Variants in CLN6 observed in about 807,000 individuals in gnomAD.
The protein encoded by CLN6 is ceroid-lipofuscinosis neuronal protein 6.
Under a neutral mutation model 33.3 loss-of-function variants are expected in CLN6, and 22 were observed. That is an observed-to-expected ratio of 0.66 (90% confidence interval 0.47 to 0.94). The LOEUF (loss-of-function observed/expected upper bound fraction) is 0.94, where lower values mean the gene tolerates loss of function less well. Ranked by LOEUF, CLN6 falls within the 40% of genes least tolerant of loss-of-function variation. The probability of loss-of-function intolerance (pLI) is 0.00; values close to 1 mark genes in which losing one functional copy is unlikely to be tolerated. For missense variants in CLN6, 387 were observed against 417.1 expected (o/e 0.93, Z 0.63); for synonymous variants, 201 against 174.6 (o/e 1.15, Z -1.19).
Position 68,208,293 on chromosome 15 carries a change from G to C in CLN6, c.783C>G (p.Phe261Leu). The C allele has an allele frequency of 6.2e-7, 1 of 1,614,172 alleles. No homozygotes were observed. The highest frequency in any genetic ancestry group is 8.5e-7 in the Non-Finnish European group (1 of 1,180,044). Residue 261 changes from phenylalanine (F) to leucine (L), a missense_variant, in exon 7 of 7, where the codon TTC (phenylalanine) becomes TTG (leucine). Physicochemically the swap from Phe to Leu is conservative, Grantham distance 22. Transcript: ENST00000249806. This position sits in a 1 kb window ranked among gnomAD's most constrained non-coding sequence, Gnocchi z 5.8. ...GGGTCAGTGCGAAGGAGGAGAAGAGGAAGAGGCCGTTGCTGTCCAGGAAGA... is the reference window on the plus strand; with the variant it reads ...GGGTCAGTGCGAAGGAGGAGAAGAGCAAGAGGCCGTTGCTGTCCAGGAAGA... ...KRLFLDSNGL[F>L]LFSSFALTLL...
In CLN6 at chr15:68,229,550, G is replaced by A. The variant is rs539756492; in HGVS notation, c.35C>T (p.Ala12Val). 39 of 1,467,930 alleles carry A rather than the reference G, an allele frequency of 2.7e-5. 1 individual carries two copies. The South Asian group carries it at 4.7e-4, about 18-fold the overall frequency. The allele number at this position is 1,467,930 out of a possible 1,614,324, so 90.9% of individuals were successfully genotyped here. A position where few individuals can be genotyped will look rare whatever the true frequency, so the allele number is the denominator to read the frequency against. Residue 12 changes from alanine (A) to valine (V), a missense_variant, in exon 1 of 7, where the codon GCG becomes GTG. Coordinates refer to ENST00000249806, the MANE Select transcript of CLN6 (RefSeq NM_017882.3). ...EATRRRQHLG[A>V]TGGPGAQLGA... ...CAGCTGCGCGCCTGGGCCGCCCGTC[G>A]CTCCCAGGTGCTGCCGCCTCCGCGT...
rs772310940 is a variant in CLN6 at position 68,247,563 on chromosome 15, G to A, written c.179+9127C>T. Among the ~76,000 whole-genome samples the A allele has an allele frequency of 6.6e-6, 1 of 152,124 alleles. No individual in the cohort carries two copies. The highest frequency in any genetic ancestry group is 1.5e-5 in the Non-Finnish European group (1 of 68,028). On this transcript the variant is annotated intron_variant, in intron 1 of 6. Coordinates refer to the CLN6 transcript ENST00000538696. This position sits in a 1 kb window ranked among gnomAD's most constrained non-coding sequence, Gnocchi z 4.2. ...AAATGGAAAGCTATTCCATGTTCATGGACTGGAATAGTTAGTTGTTAAAGT... is the reference window on the plus strand; with the variant it reads ...AAATGGAAAGCTATTCCATGTTCATAGACTGGAATAGTTAGTTGTTAAAGT...
rs1049247219 is a variant in CLN6, at chr15:68,214,192, A to G, written c.297+98T>C. 11 of 909,270 alleles carry G rather than the reference A, an allele frequency of 1.2e-5. No individual in the cohort carries two copies. The African/African-American group carries it at 1.6e-4, about 14-fold the overall frequency. The allele number at this position is 909,270 out of a possible 1,614,324, so 56.3% of individuals were successfully genotyped here. A position where few individuals can be genotyped will look rare whatever the true frequency, so the allele number is the denominator to read the frequency against. On this transcript the variant is annotated intron_variant, in intron 3 of 6. Transcript: ENST00000249806. ...CCTTCACCCCCCAGCAGCAGGCAGG[A>G]GCGTGCTTGAGTCAGGACACAGGGC...
At position 68,208,404 on chromosome 15, in the gene CLN6, C is replaced by G. The variant is rs368443679; in HGVS notation, c.672G>C (p.Leu224=). 1 of 1,612,614 alleles carries G rather than the reference C, an allele frequency of 6.2e-7. No individual in the cohort carries two copies. Among genetic ancestry groups the G allele is most frequent in the Non-Finnish European group, 8.5e-7 (1 of 1,179,996 alleles). The change falls in exon 7 of 7, where the codon CTG becomes CTC. Residue 224 remains leucine, a synonymous_variant. Coordinates refer to ENST00000249806, the MANE Select transcript of CLN6 (RefSeq NM_017882.3). This position sits in a 1 kb window ranked among gnomAD's most constrained non-coding sequence, Gnocchi z 5.8. Reference sequence around the variant, plus strand: ...GGATGAAGATCTGGCCCTCGGTGACCAGGTACCTGGAAAGGCCAGGGGTGA... The same window carrying G: ...GGATGAAGATCTGGCCCTCGGTGACGAGGTACCTGGAAAGGCCAGGGGTGA... The part of the protein sequence containing the change: ...VAPSGLYYWY[L]VTEGQIFILF...
At chr15:68,255,367 T>C (rs1892423004) in intron 1 of CLN6, among the ~76,000 whole-genome samples, 1 of 150,266 alleles carries the variant, frequency 6.7e-6, no homozygotes, top group South Asian at 2.1e-4. Context: ...GTGATGCCAC[T>C]GAGATGGAAC....
chr15:68,229,488 C>T lies in CLN6; in HGVS notation c.83+14G>A. ...AGGCGCCTAGCCCGCCCTCTCACCC[C>T]GGCGCGCGCCCACCTGGCCTGCAGG... On this transcript the variant is annotated intron_variant, in intron 1 of 6. Transcript: ENST00000249806. 3 of 1,460,866 alleles carry T rather than the reference C, an allele frequency of 2.1e-6. No individual in the cohort carries two copies. Among genetic ancestry groups the T allele is most frequent in the East Asian group, 3.0e-5 (1 of 32,994 alleles). The allele number at this position is 1,460,866 out of a possible 1,614,324, so 90.5% of individuals were successfully genotyped here. A position where few individuals can be genotyped will look rare whatever the true frequency, so the allele number is the denominator to read the frequency against.
chr15:68,208,203 C>A lies in CLN6; in HGVS notation c.873G>T (p.Pro291=), dbSNP rs567275786. 6.2e-7 allele frequency: 1 copy of A among 1,613,454 alleles called. No individual in the cohort carries two copies. Among genetic ancestry groups the A allele is most frequent in the African/African-American group, 1.3e-5 (1 of 74,756 alleles). ...WNDPVLRKKY[P]GVIYVPEPWA... is the part of the protein sequence containing the mutation. Reference sequence around the variant, plus strand: ...AGGGCTCAGGGACGTAGATGACACCCGGGTACTTCTTCCTGAGAACAGGGT... The same window carrying A: ...AGGGCTCAGGGACGTAGATGACACCAGGGTACTTCTTCCTGAGAACAGGGT... Residue 291 remains proline, a synonymous_variant, in exon 7 of 7, where the codon CCG becomes CCT. Transcript: ENST00000249806. The surrounding 1 kb of genome is among the most constrained non-coding windows in gnomAD (Gnocchi z 5.8).
chr15:68,252,061 C>T (rs12900974), intron 1 of CLN6, among the ~76,000 whole-genome samples: 26,700 of 150,386 alleles, frequency 0.18, 2,610 homozygotes, highest in South Asian at 0.22. Context: ...GCAACCTCCG[C>T]CTTCCGGGTT....
At chr15:68,214,079 T>C in intron 3 of CLN6, 1 of 531,056 alleles carries the variant, frequency 1.9e-6, no homozygotes, top group Non-Finnish European at 3.4e-6. Flanking sequence ...CAAAAGCCCT[T>C]TCTTGGGGCA....
chr15:68,214,986 T>TCCTTCCCCA (rs55798476), intron 2 of CLN6: 84,853 of 155,934 alleles, frequency 0.54, 23,756 homozygotes, highest in African/African-American at 0.6. Flanking sequence ...CTGCAACTCT[T>TCCTTCCCCA]CCTTCCCAGA....
upstream of CLN6, among the ~76,000 whole-genome samples, chr15:68,234,171 T>C (rs550799215): frequency 1.3e-5 from 2 of 152,330 alleles, no homozygotes; most frequent in East Asian, 3.9e-4. This position sits in a 1 kb window ranked among gnomAD's most constrained non-coding sequence, Gnocchi z 4.1. Context: ...CAACACTGTT[T>C]CCATGTCATC....
At chr15:68,229,451 GC>G (rs1358240929) in intron 1 of CLN6, 50 bp downstream of exon 1, 3 of 1,355,584 alleles carry the variant, frequency 2.2e-6, no homozygotes, top group Non-Finnish European at 2.9e-6. Flanking sequence ...GGGTCCCGAG[GC>G]CCCAGCGCAC....
chr15:68,230,966 G>A (rs2093267623), upstream of CLN6, among the ~76,000 whole-genome samples: 2 of 152,184 alleles, frequency 1.3e-5, no homozygotes, highest in South Asian at 4.1e-4. The surrounding 1 kb of genome is among the most constrained non-coding windows in gnomAD (Gnocchi z 4.0). Flanking sequence ...CGCTGCAGAA[G>A]GGATGTGCCT....
chr15:68,255,965 T>C (rs1892430470), intron 1 of CLN6, among the ~76,000 whole-genome samples: 1 of 150,546 alleles, frequency 6.6e-6, no homozygotes, highest in Non-Finnish European at 1.5e-5. Flanking sequence ...GGCTAATTAA[T>C]TTTTGTACAG....
intron 2 of CLN6, among the ~76,000 whole-genome samples, chr15:68,217,258 G>A (rs887401627): frequency 6.6e-6 from 1 of 152,120 alleles, no homozygotes; most frequent in African/African-American, 2.4e-5. Context: ...TTGAGACAGG[G>A]TCTCACTGTG....
chr15:68,250,624 C>CAA (rs57895966), intron 1 of CLN6, among the ~76,000 whole-genome samples: 101 of 61,132 alleles, frequency 1.7e-3, no homozygotes, highest in African/African-American at 2.4e-3. Flanking sequence ...GACTCTGTCT[C>CAA]AAAAAAAAAA....
intron 1 of CLN6, among the ~76,000 whole-genome samples, chr15:68,225,907 T>G (rs1212661982): frequency 1.3e-5 from 2 of 150,792 alleles, no homozygotes; most frequent in Admixed American, 6.6e-5. Context: ...GAGGTGGAGG[T>G]TGCAGTGAGC....
Position 68,211,519 on chromosome 15 carries a change from G to A in CLN6, c.486+156C>T. The stretch of plus-strand genomic sequence containing the variant: ...TGTGCACCACTTCCTAAGAACACTT[G>A]AGCATCCTAGCTTGGGGCAGGCGAC... On this transcript the variant is annotated intron_variant, in intron 4 of 6. Coordinates refer to ENST00000249806, the MANE Select transcript of CLN6 (RefSeq NM_017882.3). This position sits in a 1 kb window ranked among gnomAD's most constrained non-coding sequence, Gnocchi z 5.9. 1.9e-6 allele frequency: 3 copies of A among 1,589,084 alleles called. No individual in the cohort carries two copies. The highest frequency in any genetic ancestry group is 2.6e-6 in the Non-Finnish European group (3 of 1,172,768).
intron 1 of CLN6, among the ~76,000 whole-genome samples, chr15:68,229,184 G>A (rs1213829970): frequency 1.3e-5 from 2 of 152,188 alleles, no homozygotes; most frequent in South Asian, 2.1e-4. Flanking sequence ...CGCAGCGGCT[G>A]TCCCGGCGCC....
Sources: allele counts gnomAD v4.1 joint callset (sites outside exome capture counted in the v4.1 genomes callset), GRCh38; gene constraint gnomAD v4.1.1; non-coding constraint Gnocchi (gnomAD v3.1); transcripts MANE v1.5; gene names NCBI Gene and HGNC (gene_info 2026-07-23, HGNC 2026-07-21).